Variants in SMOC2 observed in about 807,000 individuals in gnomAD.
The protein encoded by SMOC2 is SPARC-related modular calcium-binding protein 2.
In SMOC2, 39 loss-of-function variants were observed where a neutral mutation model predicts 61.4. That is an observed-to-expected ratio of 0.64 (90% confidence interval 0.49 to 0.83). SMOC2 has a LOEUF of 0.83. Ranked by LOEUF, SMOC2 falls within the 40% of genes least tolerant of loss-of-function variation. SMOC2 has a pLI of 0.00. For synonymous variants in SMOC2, 247 were observed against 239.9 expected (o/e 1.03, Z -0.27); for missense variants, 556 against 592.9 (o/e 0.94, Z 0.65).
chr6:168,576,733 G>A (rs1784812933), intron 7 of SMOC2, among the ~76,000 whole-genome samples: 1 of 152,048 alleles, frequency 6.6e-6, no homozygotes, highest in Non-Finnish European at 1.5e-5. Flanking sequence ...AGGAAACAAG[G>A]CAGAAGCAAA....
At chr6:168,499,672 A>T (rs1478487509) in intron 1 of SMOC2, among the ~76,000 whole-genome samples, 1 of 152,180 alleles carries the variant, frequency 6.6e-6, no homozygotes, top group Non-Finnish European at 1.5e-5. Flanking sequence ...CAGTGCGTAT[A>T]CTTTTATGTC....
intron 4 of SMOC2, among the ~76,000 whole-genome samples, chr6:168,537,590 C>T (rs1488115032): frequency 6.6e-6 from 1 of 152,236 alleles, no homozygotes; most frequent in South Asian, 2.1e-4. Flanking sequence ...GTAAGAAGCA[C>T]GTTCTGTTCT....
At chr6:168,635,425 G>C (rs1050503165) in intron 9 of SMOC2, among the ~76,000 whole-genome samples, 1 of 152,138 alleles carries the variant, frequency 6.6e-6, no homozygotes, top group Non-Finnish European at 1.5e-5. Context: ...GTGGCCCCGC[G>C]TGGGGCCACT....
At chr6:168,579,652 T>G (rs1249569710) in intron 7 of SMOC2, among the ~76,000 whole-genome samples, 1 of 152,164 alleles carries the variant, frequency 6.6e-6, no homozygotes, top group Non-Finnish European at 1.5e-5. Flanking sequence ...TAACAAAGCA[T>G]CCAGGAACTT....
chr6:168,585,844 A>G (rs760283715), intron 7 of SMOC2, among the ~76,000 whole-genome samples: 2 of 152,192 alleles, frequency 1.3e-5, no homozygotes, highest in Non-Finnish European at 2.9e-5. Flanking sequence ...AAATTTGGAT[A>G]AGGCTGTTCA....
At chr6:168,641,049 A>G (rs1361908331) in intron 9 of SMOC2, among the ~76,000 whole-genome samples, 3 of 145,230 alleles carry the variant, frequency 2.1e-5, no homozygotes, top group Admixed American at 6.8e-5. Flanking sequence ...GAAATGTTCC[A>G]AACTTTTTTT....
intron 1 of SMOC2, among the ~76,000 whole-genome samples, chr6:168,507,341 CCT>C (rs1280163583): frequency 2.6e-5 from 4 of 152,190 alleles, no homozygotes; most frequent in Non-Finnish European, 1.5e-5. Context: ...AACGAAGGCA[CCT>C]GGGGCTCCTA....
intron 9 of SMOC2, among the ~76,000 whole-genome samples, chr6:168,619,785 G>A (rs1018179962): frequency 7.9e-5 from 12 of 152,226 alleles, no homozygotes; most frequent in African/African-American, 2.7e-4. Flanking sequence ...AGGCCAGTCC[G>A]GACAGAGGGG....
intron 8 of SMOC2, among the ~76,000 whole-genome samples, chr6:168,601,888 G>A (rs188778797): frequency 6.6e-6 from 1 of 152,276 alleles, no homozygotes; most frequent in East Asian, 1.9e-4. Context: ...CGCTGTCATG[G>A]CAGAAAGAAA....
intron 8 of SMOC2, among the ~76,000 whole-genome samples, chr6:168,607,869 T>TCCAACCCTGCAAC (rs1440562829): frequency 1.2e-3 from 67 of 56,346 alleles, no homozygotes; most frequent in African/African-American, 1.8e-3. Context: ...TGTGGGTGCT[T>TCCAACCCTGCAAC]GGCAGCTGCT....
intron 9 of SMOC2, among the ~76,000 whole-genome samples, chr6:168,635,592 T>C (rs1583176506): frequency 6.6e-6 from 1 of 152,304 alleles, no homozygotes; most frequent in Middle Eastern, 3.4e-3. Flanking sequence ...TTACTGGGGC[T>C]GGGCATGGTG....
chr6:168,556,282 A>G (rs1562345292), intron 7 of SMOC2, among the ~76,000 whole-genome samples: 1 of 152,166 alleles, frequency 6.6e-6, no homozygotes, highest in East Asian at 1.9e-4. Flanking sequence ...AACCAGGGGA[A>G]GCTGCGGGCT....
chr6:168,584,009 C>T (rs757070305), intron 7 of SMOC2, among the ~76,000 whole-genome samples: 7 of 152,142 alleles, frequency 4.6e-5, no homozygotes, highest in Non-Finnish European at 8.8e-5. Context: ...TGGCAGAGGC[C>T]ATCGGAGGTA....
intron 11 of SMOC2, among the ~76,000 whole-genome samples, chr6:168,659,665 G>T (rs1488892460): frequency 4.9e-5 from 6 of 121,850 alleles, no homozygotes; most frequent in Admixed American, 8.7e-5. Flanking sequence ...GAGGTTGTAG[G>T]CTGGGTGAGG....
At chr6:168,486,381 C>T (rs892408246) in intron 1 of SMOC2, among the ~76,000 whole-genome samples, 2 of 152,086 alleles carry the variant, frequency 1.3e-5, no homozygotes, top group Non-Finnish European at 2.9e-5. Context: ...AAGCTTTGCA[C>T]TCCAACATTT....
intron 4 of SMOC2, among the ~76,000 whole-genome samples, chr6:168,541,328 G>A (rs544151082): frequency 1.3e-5 from 2 of 152,270 alleles, no homozygotes; most frequent in African/African-American, 4.8e-5. Flanking sequence ...CTCCAGCCCG[G>A]GGTTCACAAA....
chr6:168,642,688 T>C (rs1210820152), intron 9 of SMOC2, among the ~76,000 whole-genome samples: 1 of 152,144 alleles, frequency 6.6e-6, no homozygotes, highest in Non-Finnish European at 1.5e-5. Context: ...AGGTCTCAGT[T>C]TGGAGGGGGG....
In SMOC2 at chr6:168,441,459, GC is replaced by G; in HGVS notation, c.84+8del. On this transcript the variant is annotated splice_donor_region_variant and intron_variant, in intron 1 of 12. Coordinates refer to ENST00000356284, the MANE Select transcript of SMOC2 (RefSeq NM_001166412.2). ...CAGAAGTTCTCGGCGCTCACGGTAA[GC>G]CCGGGCCCGCGGGACCTGGAGCTCA... is the stretch of plus-strand genomic sequence containing the variant. The G allele has an allele frequency of 6.7e-7, 1 of 1,494,424 alleles. No homozygotes were observed. The highest frequency in any genetic ancestry group is 8.9e-7 in the Non-Finnish European group (1 of 1,125,952). The allele number at this position is 1,494,424 out of a possible 1,614,324, so 92.6% of individuals were successfully genotyped here. A position where few individuals can be genotyped will look rare whatever the true frequency, so the allele number is the denominator to read the frequency against.
intron 7 of SMOC2, among the ~76,000 whole-genome samples, chr6:168,585,148 G>A (rs146031598): frequency 5.3e-5 from 8 of 152,132 alleles, no homozygotes; most frequent in African/African-American, 1.4e-4. Flanking sequence ...TTGCAGTCAC[G>A]GGGTTTTGCT....
Sources: allele counts gnomAD v4.1 joint callset (sites outside exome capture counted in the v4.1 genomes callset), GRCh38; gene constraint gnomAD v4.1.1; transcripts MANE v1.5; gene names NCBI Gene and HGNC (gene_info 2026-07-23, HGNC 2026-07-21).